The following CELF4 variants were observed in gnomAD, a reference collection of about 807,000 sequenced individuals.
The protein encoded by CELF4 is CUG-BP- and ETR-3-like factor 4.
A neutral mutation model predicts 59.9 loss-of-function variants in CELF4; 18 were observed. That is an observed-to-expected ratio of 0.30 (90% CI 0.21 to 0.45). CELF4 has a LOEUF of 0.45. Among genes scored for constraint, CELF4 ranks in the 20% least tolerant of loss-of-function variants. CELF4 has a pLI of 1.00. For missense variants in CELF4, 456 were observed against 689.0 expected, an observed-to-expected ratio of 0.66 and a Z score of 3.79; for synonymous variants, 261 against 267.1, an observed-to-expected ratio of 0.98 and a Z score of 0.22.
intron 3 of CELF4, among the ~76,000 whole-genome samples, chr18:37,298,447 C>T (rs7234413): frequency 0.2 from 30,887 of 151,958 alleles, 5,127 homozygotes; most frequent in African/African-American, 0.46. Context: ...TGGCTGGGTG[C>T]GGTGGCTCAC....
chr18:37,281,802 G>C (rs939300253), intron 3 of CELF4, among the ~76,000 whole-genome samples: 3 of 152,070 alleles, frequency 2.0e-5, no homozygotes, highest in Admixed American at 2.0e-4. Context: ...CCATGCAGTG[G>C]CCCCCCCAGG....
Position 37,273,089 on chromosome 18 carries a change from A to C in CELF4, c.876T>G (p.Ala292=). The C allele has an allele frequency of 6.2e-7, 1 of 1,613,216 alleles. No individual in the cohort carries two copies. Among genetic ancestry groups the C allele is most frequent in the South Asian group, 1.1e-5 (1 of 91,058 alleles). ...GGYLNPMAAF[A]AAQMQQMAAL... is the part of the protein sequence containing the mutation. ...CCGCCATCTGCTGCATCTGGGCGGC[A>C]GCGAAGGCAGCCATGGGGTTCAGGT... The change falls in exon 7 of 13, where the codon GCT becomes GCG. Residue 292 remains alanine (A), a synonymous_variant. Coordinates refer to ENST00000420428, the MANE Select transcript of CELF4 (RefSeq NM_020180.4).
intron 3 of CELF4, among the ~76,000 whole-genome samples, chr18:37,317,676 A>G (rs2096915231): frequency 6.6e-6 from 1 of 152,152 alleles, no homozygotes; most frequent in Admixed American, 6.5e-5. Context: ...ACCCCTCCAG[A>G]GGCAAGGCTG....
chr18:37,563,814 A>G (rs916149460), intron 1 of CELF4, among the ~76,000 whole-genome samples: 1 of 152,296 alleles, frequency 6.6e-6, no homozygotes, highest in South Asian at 2.1e-4. Flanking sequence ...TTTACTCCTC[A>G]GCAGGCAAGC....
intron 3 of CELF4, among the ~76,000 whole-genome samples, chr18:37,277,869 C>T (rs944629852): frequency 6.6e-6 from 1 of 152,138 alleles, no homozygotes; most frequent in Non-Finnish European, 1.5e-5. Context: ...GGCCCTCTTG[C>T]TAAAAATTCC....
intron 2 of CELF4, among the ~76,000 whole-genome samples, chr18:37,456,721 C>T (rs773119251): frequency 6.6e-6 from 1 of 152,164 alleles, no homozygotes; most frequent in Non-Finnish European, 1.5e-5. Flanking sequence ...CAGAGCCAGG[C>T]CTGTACCCTC....
At chr18:37,389,578 T>C (rs564635065) in intron 2 of CELF4, among the ~76,000 whole-genome samples, 14 of 152,094 alleles carry the variant, frequency 9.2e-5, no homozygotes, top group Non-Finnish European at 1.6e-4. Flanking sequence ...CTGCTCACCA[T>C]GGCTGGACCT....
chr18:37,352,393 G>A (rs772710032), intron 2 of CELF4, among the ~76,000 whole-genome samples: 9 of 152,138 alleles, frequency 5.9e-5, no homozygotes, highest in Middle Eastern at 3.4e-3. Flanking sequence ...CTGTAATCTC[G>A]ACACTTTGGG....
chr18:37,307,384 C>T (rs1381010959), intron 3 of CELF4, among the ~76,000 whole-genome samples: 1 of 152,158 alleles, frequency 6.6e-6, no homozygotes, highest in Non-Finnish European at 1.5e-5. Context: ...TAGCAACTCT[C>T]CGATCCAAAT....
intron 1 of CELF4, among the ~76,000 whole-genome samples, chr18:37,487,696 G>A (rs533474115): frequency 8.5e-5 from 13 of 152,300 alleles, no homozygotes; most frequent in Non-Finnish European, 1.3e-4. Flanking sequence ...TCTGCTGTAC[G>A]CAGGCAAGCC....
intron 2 of CELF4, among the ~76,000 whole-genome samples, chr18:37,484,059 C>T (rs1304775121): frequency 1.3e-5 from 2 of 152,130 alleles, no homozygotes; most frequent in South Asian, 2.1e-4. Flanking sequence ...TCTGTTTCCC[C>T]TTCTGATTCC....
chr18:37,487,780 A>T (rs2099884453), intron 1 of CELF4, among the ~76,000 whole-genome samples: 1 of 152,192 alleles, frequency 6.6e-6, no homozygotes, highest in Admixed American at 6.5e-5. Context: ...GAGGAGTAGG[A>T]GGAGGAAATG....
At chr18:37,321,717 G>C (rs1377797900) in intron 3 of CELF4, 86 bp downstream of exon 3, 4 of 943,886 alleles carry the variant, frequency 4.2e-6, no homozygotes, top group East Asian at 5.0e-5. Context: ...AGGAGGCGGG[G>C]AGTCGCTGCA....
intron 10 of CELF4, among the ~76,000 whole-genome samples, chr18:37,259,759 G>A (rs2073110624): frequency 6.6e-6 from 1 of 152,262 alleles, no homozygotes; most frequent in South Asian, 2.1e-4. Context: ...TGGGATTGGG[G>A]TGCCCATCCT....
intron 1 of CELF4, among the ~76,000 whole-genome samples, chr18:37,555,183 C>T (rs1486257661): frequency 1.3e-5 from 2 of 152,208 alleles, no homozygotes; most frequent in African/African-American, 2.4e-5. Context: ...GGAGAGAGAC[C>T]TCTTCACACA....
intron 12 of CELF4, among the ~76,000 whole-genome samples, chr18:37,252,179 CA>C (rs1385742422): frequency 2.0e-5 from 3 of 152,126 alleles, no homozygotes; most frequent in Admixed American, 6.5e-5. Flanking sequence ...CTGTGAAACT[CA>C]AATGTGTATT....
At chr18:37,310,192 ATAG>A (rs924437228) in intron 3 of CELF4, among the ~76,000 whole-genome samples, 7 of 151,930 alleles carry the variant, frequency 4.6e-5, no homozygotes, top group Non-Finnish European at 1.0e-4. Flanking sequence ...CCACTTTGCA[ATAG>A]GATGATGCAG....
intron 10 of CELF4, among the ~76,000 whole-genome samples, chr18:37,264,461 T>C (rs2076433182): frequency 6.6e-6 from 1 of 152,258 alleles, no homozygotes; most frequent in Admixed American, 6.5e-5. Flanking sequence ...GACACCACTC[T>C]GGTGTACAGA....
At chr18:37,248,485 G>T (rs1364673853) in intron 12 of CELF4, among the ~76,000 whole-genome samples, 1 of 152,100 alleles carries the variant, frequency 6.6e-6, no homozygotes, top group African/African-American at 2.4e-5. Context: ...CCCCTGCAGG[G>T]GGCACAGAGG....
Sources: allele counts gnomAD v4.1 joint callset (sites outside exome capture counted in the v4.1 genomes callset), GRCh38; gene constraint gnomAD v4.1.1; transcripts MANE v1.5; gene names NCBI Gene and HGNC (gene_info 2026-07-23, HGNC 2026-07-21).